Variants in ELAVL1 observed in about 807,000 individuals in gnomAD.
The protein encoded by ELAVL1 is ELAV like RNA binding protein 1, also known as ELAV-like protein 1.
A neutral mutation model predicts 28.4 loss-of-function variants in ELAVL1; 1 was observed. That is an observed-to-expected ratio of 0.04 (90% confidence interval 0.01 to 0.17). The LOEUF (loss-of-function observed/expected upper bound fraction) is 0.17, where lower values mean the gene tolerates loss of function less well. Among genes scored for constraint, ELAVL1 ranks in the 10% least tolerant of loss-of-function variants. ELAVL1 has a pLI of 1.00. For missense variants in ELAVL1, 157 were observed against 447.2 expected, an observed-to-expected ratio of 0.35 and a Z score of 5.85; for synonymous variants, 174 against 183.5, an observed-to-expected ratio of 0.95 and a Z score of 0.42.
chr19:7,986,611 G>A (rs1452343118), intron 2 of ELAVL1, among the ~76,000 whole-genome samples: 2 of 152,218 alleles, frequency 1.3e-5, no homozygotes, highest in African/African-American at 4.8e-5. Flanking sequence ...TAAAAGGTGC[G>A]CTCTCCCATC....
intron 4 of ELAVL1, among the ~76,000 whole-genome samples, chr19:7,970,175 G>A (rs184489095): frequency 6.6e-6 from 1 of 150,382 alleles, no homozygotes; most frequent in Non-Finnish European, 1.5e-5. Flanking sequence ...TTTATTTAGA[G>A]ATGGAGTTTC....
intron 2 of ELAVL1, among the ~76,000 whole-genome samples, chr19:7,991,263 C>T (rs535525661): frequency 7.9e-5 from 12 of 152,296 alleles, no homozygotes; most frequent in East Asian, 5.8e-4. Context: ...CCTGCACCTG[C>T]CCTGGACAGT....
At chr19:8,001,728 C>A (rs1234754443) in intron 1 of ELAVL1, among the ~76,000 whole-genome samples, 2 of 152,064 alleles carry the variant, frequency 1.3e-5, no homozygotes, top group Non-Finnish European at 2.9e-5. Flanking sequence ...GCCTCCCAAG[C>A]TGTTGGGGTT....
intron 3 of ELAVL1, among the ~76,000 whole-genome samples, chr19:7,974,689 CAGG>C (rs913645369): frequency 6.6e-6 from 1 of 152,084 alleles, no homozygotes; most frequent in Admixed American, 6.5e-5. Context: ...GAGGAGGGAG[CAGG>C]AGATGTGTTC....
chr19:7,963,394 T>C lies in ELAVL1; in HGVS notation c.*89A>G, dbSNP rs1984865188. On this transcript the variant is annotated 3_prime_UTR_variant, in exon 6 of 6. Transcript: ENST00000407627. The surrounding 1 kb of genome is among the most constrained non-coding windows in gnomAD (Gnocchi z 4.5). ...GACAAAGACAAACACTTGTGAAAAT[T>C]GGCGCAAAATGAGTTGTACACTAAC... 1 of 1,454,074 alleles carries C rather than the reference T, an allele frequency of 6.9e-7. No individual in the cohort carries two copies. Among genetic ancestry groups the C allele is most frequent in the Non-Finnish European group, 9.3e-7 (1 of 1,079,204 alleles). The allele number at this position is 1,454,074 out of a possible 1,614,324, so 90.1% of individuals were successfully genotyped here.
At chr19:7,998,525 G>A (rs1481430366) in intron 1 of ELAVL1, among the ~76,000 whole-genome samples, 3 of 152,186 alleles carry the variant, frequency 2.0e-5, no homozygotes, top group Non-Finnish European at 4.4e-5. Context: ...TCCAGCCTCA[G>A]TCGCCACCCT....
intron 2 of ELAVL1, among the ~76,000 whole-genome samples, chr19:7,983,842 T>C (rs1985529578): frequency 6.6e-6 from 1 of 152,050 alleles, no homozygotes; most frequent in Non-Finnish European, 1.5e-5. Flanking sequence ...TCCTGACTGG[T>C]CCCCTAGGAT....
At position 7,962,786 on chromosome 19, in the gene ELAVL1, G is replaced by A. The variant is rs1035319449; in HGVS notation, c.*697C>T. 2.0e-5 allele frequency: 3 copies of A among 152,710 alleles called. No individual in the cohort carries two copies. The highest frequency in any genetic ancestry group is 4.4e-5 in the Non-Finnish European group (3 of 68,062). 9.5% of individuals were successfully genotyped at this position (152,710 alleles called of 1,614,324 possible). A position where few individuals can be genotyped will look rare whatever the true frequency, so the allele number is the denominator to read the frequency against. On this transcript the variant is annotated 3_prime_UTR_variant, in exon 6 of 6. Coordinates refer to ENST00000407627, the MANE Select transcript of ELAVL1 (RefSeq NM_001419.3). ...TTAGATCTGACTCTGGAATATACTG[G>A]AGTTTCCCTGAAACTCTTTGGTCCA...
chr19:7,993,792 A>C (rs1180730487), intron 1 of ELAVL1, among the ~76,000 whole-genome samples: 1 of 151,938 alleles, frequency 6.6e-6, no homozygotes, highest in Non-Finnish European at 1.5e-5. Context: ...CCCAGTGCCC[A>C]CGGTCATGCG....
Position 7,961,432 on chromosome 19 carries a change from TG to T in ELAVL1, c.*2050del, listed in dbSNP as rs1193790208. The T allele has an allele frequency of 6.7e-6, 1 of 149,302 alleles. No homozygotes were observed. The highest frequency in any genetic ancestry group is 1.5e-5 in the Non-Finnish European group (1 of 67,252). 9.2% of individuals were successfully genotyped at this position (149,302 alleles called of 1,614,324 possible). A position where few individuals can be genotyped will look rare whatever the true frequency, so the allele number is the denominator to read the frequency against. Reference sequence around the variant, plus strand: ...TGGCTCCCACCTTCCATCAGAAGGGTGTTGGCTCCCACCTTCCATCAGAAGA... The same window carrying T: ...TGGCTCCCACCTTCCATCAGAAGGGTTTGGCTCCCACCTTCCATCAGAAGA... On this transcript the variant is annotated 3_prime_UTR_variant, in exon 6 of 6. Transcript: ENST00000407627.
At chr19:7,999,996 G>A (rs1207208801) in intron 1 of ELAVL1, among the ~76,000 whole-genome samples, 5 of 152,132 alleles carry the variant, frequency 3.3e-5, no homozygotes, top group African/African-American at 1.2e-4. Flanking sequence ...AGGCTGCTCT[G>A]GCACTCCTGA....
chr19:7,974,134 G>A (rs1332835360), intron 3 of ELAVL1, among the ~76,000 whole-genome samples: 2 of 152,228 alleles, frequency 1.3e-5, no homozygotes, highest in Non-Finnish European at 2.9e-5. Flanking sequence ...TGACTCCTAT[G>A]TCACAAAGCC....
intron 2 of ELAVL1, among the ~76,000 whole-genome samples, chr19:7,990,172 G>A (rs1010028843): frequency 5.9e-5 from 9 of 152,156 alleles, no homozygotes; most frequent in Middle Eastern, 3.4e-3. Context: ...ATAGGCGTGC[G>A]CCACCACGCC....
intron 5 of ELAVL1, among the ~76,000 whole-genome samples, chr19:7,965,081 T>C (rs747969460): frequency 4.6e-5 from 7 of 152,230 alleles, no homozygotes; most frequent in Non-Finnish European, 7.3e-5. Flanking sequence ...GGCAGCTCAC[T>C]AGCCCAACGG....
At chr19:7,988,964 G>A (rs1453026607) in intron 2 of ELAVL1, among the ~76,000 whole-genome samples, 2 of 152,224 alleles carry the variant, frequency 1.3e-5, no homozygotes, top group South Asian at 2.1e-4. Flanking sequence ...ACTGCGAAGC[G>A]GGAGGTGGTC....
intron 2 of ELAVL1, among the ~76,000 whole-genome samples, chr19:7,990,101 C>A (rs561530042): frequency 9.2e-5 from 14 of 152,328 alleles, no homozygotes; most frequent in African/African-American, 3.1e-4. Context: ...CAGCTCATTG[C>A]AACCTCCGCC....
At chr19:8,004,104 T>C (rs866907753) in intron 1 of ELAVL1, among the ~76,000 whole-genome samples, 2 of 152,202 alleles carry the variant, frequency 1.3e-5, no homozygotes, top group Admixed American at 6.5e-5. Flanking sequence ...AATTATAACA[T>C]CACCTGCCTC....
Position 7,960,584 on chromosome 19 carries a change from C to T in ELAVL1, c.*2899G>A, listed in dbSNP as rs1984779540. On this transcript the variant is annotated 3_prime_UTR_variant, in exon 6 of 6. Transcript: ENST00000407627. ...GAGAATTCATCAGGAAGCAGGTTCA[C>T]AAATTCGGAGCTGCCTGGGGTCTAA... 6.6e-6 allele frequency: 1 copy of T among 152,602 alleles called. No homozygotes were observed. Among genetic ancestry groups the T allele is most frequent in the South Asian group, 2.1e-4 (1 of 4,828 alleles). 9.5% of individuals were successfully genotyped at this position (152,602 alleles called of 1,614,324 possible). A position where few individuals can be genotyped will look rare whatever the true frequency, so the allele number is the denominator to read the frequency against.
rs149698181 is a variant in ELAVL1 at position 7,970,820 on chromosome 19, C to T, written c.430+2905G>A. On this transcript the variant is annotated intron_variant, in intron 4 of 5. Transcript: ENST00000407627. ...CAAGCAATCCTCCCACCTTGGCCTC[C>T]CAAAGTATTAGGATTACAGGCGTGA... Among the ~76,000 whole-genome samples, 1,501 of 152,212 alleles carry T rather than the reference C, an allele frequency of 9.9e-3. 25 individuals are homozygous for T. The highest frequency in any genetic ancestry group is 0.035 in the African/African-American group (1,450 of 41,518).
Sources: gnomAD v4.1 joint callset for allele counts (sites outside exome capture counted in the v4.1 genomes callset) on GRCh38, gnomAD v4.1.1 for gene constraint, Gnocchi (gnomAD v3.1) non-coding constraint, MANE v1.5 for transcripts, NCBI Gene and HGNC (gene_info 2026-07-23, HGNC 2026-07-21) for gene names.